NCAM1: variants seen among roughly 807,000 people sequenced by gnomAD.
NCAM1 encodes the protein antigen recognized by monoclonal antibody 5.1H11.
Under a neutral mutation model 109.8 loss-of-function variants are expected in NCAM1, and 14 were observed. The observed-to-expected ratio is 0.13, with a 90% CI of 0.08 to 0.20. NCAM1 has a LOEUF of 0.20. Ranked by LOEUF, NCAM1 falls within the 10% of genes least tolerant of loss-of-function variation. NCAM1 has a pLI of 1.00. For missense variants in NCAM1, 774 were observed against 1,109.9 expected (o/e 0.70, Z 4.30); for synonymous variants, 418 against 442.9 (o/e 0.94, Z 0.70).
At position 113,273,257 on chromosome 11, in the gene NCAM1, T is replaced by C; in HGVS notation, c.2456+1381T>C. ...CCCCTGCCGCTAGCAATTTGTCTTC[T>C]AGTGTCCTGGCTAACCAAGGGGCTG... On this transcript the variant is annotated intron_variant, in intron 19 of 19. Coordinates refer to ENST00000316851, the MANE Select transcript of NCAM1 (RefSeq NM_181351.5). The surrounding 1 kb of genome is among the most constrained non-coding windows in gnomAD (Gnocchi z 6.0). 1 of 359,776 alleles carries C rather than the reference T, an allele frequency of 2.8e-6. No individual in the cohort carries two copies. The highest frequency in any genetic ancestry group is 5.5e-6 in the Non-Finnish European group (1 of 182,234). 22.3% of individuals were successfully genotyped at this position (359,776 alleles called of 1,614,324 possible).
chr11:113,184,650 C>G (rs554089488), intron 1 of NCAM1, among the ~76,000 whole-genome samples: 37 of 152,286 alleles, frequency 2.4e-4, no homozygotes, highest in African/African-American at 8.4e-4. Context: ...CACACTATAT[C>G]CTCCTAGTGA....
rs11824509 is a variant in NCAM1, at chr11:113,180,295, C to T, written c.53-22084C>T. Among the ~76,000 whole-genome samples, 371 of 152,312 alleles carry T rather than the reference C, an allele frequency of 2.4e-3. 1 individual carries two copies. The highest frequency in any genetic ancestry group is 8.2e-3 in the African/African-American group (342 of 41,554). On this transcript the variant is annotated intron_variant, in intron 1 of 19. Transcript: ENST00000316851. ...TATTATCCTGCTTATTGGATATGGA[C>T]TACCCAAATAAAGAGTGAGTTTAGC...
At position 113,275,527 on chromosome 11, in the gene NCAM1, T is replaced by A; in HGVS notation, c.*140T>A. 2.7e-6 allele frequency: 3 copies of A among 1,112,418 alleles called. No homozygotes were observed. The highest frequency in any genetic ancestry group is 6.0e-5 in the Admixed American group (2 of 33,256). The allele number at this position is 1,112,418 out of a possible 1,614,324, so 68.9% of individuals were successfully genotyped here. A position where few individuals can be genotyped will look rare whatever the true frequency, so the allele number is the denominator to read the frequency against. ...ACACACACATCTCATTTCTCTAGTGTCTTTTGCCTTTAAAAAAAACTAAAC... is the reference window on the plus strand; with the variant it reads ...ACACACACATCTCATTTCTCTAGTGACTTTTGCCTTTAAAAAAAACTAAAC... On this transcript the variant is annotated 3_prime_UTR_variant, in exon 20 of 20. Coordinates refer to ENST00000316851, the MANE Select transcript of NCAM1 (RefSeq NM_181351.5).
intron 1 of NCAM1, among the ~76,000 whole-genome samples, chr11:113,136,558 C>T (rs781985919): frequency 7.9e-5 from 12 of 152,170 alleles, no homozygotes; most frequent in Non-Finnish European, 1.6e-4. Flanking sequence ...ATGCGTGAAG[C>T]GTGTCTGAGC....
At position 113,214,402 on chromosome 11, in the gene NCAM1, C is replaced by T. The variant is rs1555114079; in HGVS notation, c.950C>T (p.Thr317Ile). ...AAAATCACATATGTAGAGAACCAGACTGCCATGGAATTAGAGGAGCAGGTC... is the reference window on the plus strand; with the variant it reads ...AAAATCACATATGTAGAGAACCAGATTGCCATGGAATTAGAGGAGCAGGTC... ...KPKITYVENQ[T>I]AMELEEQVTL... Residue 317 changes from threonine (T) to isoleucine (I), a missense_variant, in exon 8 of 20, where the codon ACT (threonine) becomes ATT (isoleucine). Physicochemically the swap from Thr to Ile is moderately conservative, Grantham distance 89. Around this residue, in one of 4 missense-constraint regions of NCAM1, gnomAD observed 523 missense variants for 784.2 expected, o/e 0.67. Coordinates refer to ENST00000316851, the MANE Select transcript of NCAM1 (RefSeq NM_181351.5). The T allele has an allele frequency of 6.2e-7, 1 of 1,613,938 alleles. No homozygotes were observed.
At chr11:113,018,696 A>G (rs1363540661) in intron 1 of NCAM1, among the ~76,000 whole-genome samples, 2 of 152,154 alleles carry the variant, frequency 1.3e-5, no homozygotes, top group Non-Finnish European at 2.9e-5. Context: ...CCCAGATTCA[A>G]TCAGCCATCC....
At chr11:113,127,000 T>G (rs536253660) in intron 1 of NCAM1, among the ~76,000 whole-genome samples, 1 of 152,368 alleles carries the variant, frequency 6.6e-6, no homozygotes, top group African/African-American at 2.4e-5. Flanking sequence ...TTGTTTTCTG[T>G]GCCTCTTTCC....
chr11:113,011,031 A>G (rs1385441462), intron 1 of NCAM1, among the ~76,000 whole-genome samples: 1 of 151,134 alleles, frequency 6.6e-6, no homozygotes, highest in Admixed American at 6.6e-5. Context: ...TTACATATGT[A>G]TACATGTGCC....
At chr11:113,106,971 C>T (rs781876018) in intron 1 of NCAM1, among the ~76,000 whole-genome samples, 2 of 152,124 alleles carry the variant, frequency 1.3e-5, no homozygotes, top group Non-Finnish European at 1.5e-5. Context: ...GAATTGGAAT[C>T]GGAATTTTAT....
intron 1 of NCAM1, among the ~76,000 whole-genome samples, chr11:113,117,870 A>T (rs1940778441): frequency 1.3e-5 from 2 of 152,142 alleles, no homozygotes; most frequent in East Asian, 3.9e-4. Flanking sequence ...GGGAGGAGGA[A>T]AAAGGAAGAC....
At chr11:113,232,626 T>G (rs2137246040) in intron 11 of NCAM1, 92 bp from the exon 12 acceptor site, 1 of 1,076,012 alleles carries the variant, frequency 9.3e-7, no homozygotes, top group East Asian at 2.4e-5. Context: ...TTACTAGTTC[T>G]GTTTTTTACT....
rs575407443 is a variant in NCAM1, at chr11:113,207,459, G to A, written c.746+81G>A. ...AAGTCTGCTCCATGTTAGTGTCTGC[G>A]TGGAATGGATGTGGGCTTCTTAGGA... On this transcript the variant is annotated intron_variant, in intron 6 of 19. Transcript: ENST00000316851. The A allele has an allele frequency of 4.6e-4, 518 of 1,135,418 alleles. 2 individuals carry two copies. The African/African-American group carries it at 5.7e-3, about 13-fold the overall frequency. 70.3% of individuals were successfully genotyped at this position (1,135,418 alleles called of 1,614,324 possible).
chr11:113,101,091 CT>C (rs1365626097), intron 1 of NCAM1, among the ~76,000 whole-genome samples: 2 of 151,908 alleles, frequency 1.3e-5, no homozygotes, highest in African/African-American at 4.8e-5. Flanking sequence ...TATGTTATGC[CT>C]GGAGGAGTAG....
At chr11:113,076,519 C>A (rs1299358183) in intron 1 of NCAM1, among the ~76,000 whole-genome samples, 1 of 152,152 alleles carries the variant, frequency 6.6e-6, no homozygotes, top group African/African-American at 2.4e-5. Context: ...TTTCCTAAAC[C>A]TAGACACTAA....
chr11:113,083,192 G>T (rs1465274537), intron 1 of NCAM1, among the ~76,000 whole-genome samples: 2 of 152,008 alleles, frequency 1.3e-5, no homozygotes, highest in African/African-American at 4.8e-5. Context: ...TTTCCTACGT[G>T]CCATACACTA....
intron 14 of NCAM1, chr11:113,236,406 C>G (rs1380852403): frequency 1.0e-5 from 14 of 1,384,728 alleles, no homozygotes; most frequent in East Asian, 2.3e-5. Flanking sequence ...CCTTTTTTGT[C>G]CCCTAGAGGC....
intron 19 of NCAM1, among the ~76,000 whole-genome samples, chr11:113,272,399 G>T (rs1555125637): frequency 6.6e-6 from 1 of 152,122 alleles, no homozygotes. Context: ...GGAGTTTCAG[G>T]GAACCACAAA....
At chr11:113,220,604 T>C (rs868907896) in intron 8 of NCAM1, among the ~76,000 whole-genome samples, 19 of 68,608 alleles carry the variant, frequency 2.8e-4, no homozygotes, top group East Asian at 1.2e-3. Flanking sequence ...CTCTCTCTCT[T>C]TTTTTTTTTT....
intron 8 of NCAM1, 118 bp downstream of exon 8, chr11:113,214,629 C>T: frequency 1.7e-6 from 2 of 1,190,276 alleles, no homozygotes; most frequent in Non-Finnish European, 1.2e-6. Flanking sequence ...CCAGAGGCCA[C>T]AGCCAGATCC....
Sources: gnomAD v4.1 joint callset for allele counts (sites outside exome capture counted in the v4.1 genomes callset) on GRCh38, gnomAD v4.1.1 for gene constraint, gnomAD v4.1.1 regional missense constraint, Gnocchi (gnomAD v3.1) non-coding constraint, MANE v1.5 for transcripts, NCBI Gene and HGNC (gene_info 2026-07-23, HGNC 2026-07-21) for gene names.